Variants in ITGA9 observed in about 807,000 individuals in gnomAD.
ITGA9 encodes integrin alpha-9.
A neutral mutation model predicts 127.8 loss-of-function variants in ITGA9; 56 were observed. That is an observed-to-expected ratio of 0.44 (90% confidence interval 0.35 to 0.55). The LOEUF (loss-of-function observed/expected upper bound fraction) is 0.55, where lower values mean the gene tolerates loss of function less well. Among genes scored for constraint, ITGA9 ranks in the 20% least tolerant of loss-of-function variants. ITGA9 has a pLI of 0.00. For synonymous variants in ITGA9, 508 were observed against 514.5 expected, an observed-to-expected ratio of 0.99 and a Z score of 0.17; for missense variants, 1,196 against 1,347.1, an observed-to-expected ratio of 0.89 and a Z score of 1.76.
At chr3:37,507,594 C>T (rs771660098) in intron 7 of ITGA9, among the ~76,000 whole-genome samples, 5 of 152,092 alleles carry the variant, frequency 3.3e-5, no homozygotes, top group Non-Finnish European at 2.9e-5. Flanking sequence ...AGCCAGACAG[C>T]GGGACTCCTG....
chr3:37,581,995 A>G (rs1055047630), intron 15 of ITGA9, among the ~76,000 whole-genome samples: 1 of 152,198 alleles, frequency 6.6e-6, no homozygotes, highest in African/African-American at 2.4e-5. Context: ...CCACTTTTTA[A>G]AAAGGAAATC....
intron 15 of ITGA9, among the ~76,000 whole-genome samples, chr3:37,568,079 C>T (rs1180378945): frequency 1.3e-5 from 2 of 152,246 alleles, no homozygotes; most frequent in Non-Finnish European, 2.9e-5. Context: ...GTGAGGGCCC[C>T]ACTCCTGCAG....
intron 17 of ITGA9, among the ~76,000 whole-genome samples, chr3:37,675,857 C>G (rs1249571057): frequency 6.6e-6 from 1 of 150,430 alleles, no homozygotes; most frequent in East Asian, 2.0e-4. Context: ...CATTCTCCTG[C>G]CTCAGCCTCC....
At chr3:37,794,196 C>T (rs1246312797) in intron 26 of ITGA9, among the ~76,000 whole-genome samples, 1 of 152,250 alleles carries the variant, frequency 6.6e-6, no homozygotes, top group Non-Finnish European at 1.5e-5. Context: ...CAACTTCCAT[C>T]TTCTTTGGAA....
chr3:37,565,396 A>G (rs971669955), intron 15 of ITGA9, among the ~76,000 whole-genome samples: 1 of 152,216 alleles, frequency 6.6e-6, no homozygotes, highest in African/African-American at 2.4e-5. Flanking sequence ...TGTGTTCTCA[A>G]GACAAGCAAT....
intron 22 of ITGA9, among the ~76,000 whole-genome samples, chr3:37,744,546 C>A (rs1348867968): frequency 6.6e-6 from 1 of 152,230 alleles, no homozygotes; most frequent in Admixed American, 6.5e-5. Flanking sequence ...GCACGCTGCT[C>A]CCTCACTGAG....
intron 17 of ITGA9, among the ~76,000 whole-genome samples, chr3:37,662,129 G>T (rs991755062): frequency 6.6e-6 from 1 of 152,114 alleles, no homozygotes; most frequent in Non-Finnish European, 1.5e-5. Context: ...GGGGCCAGGC[G>T]CAGTGGCTGT....
intron 18 of ITGA9, among the ~76,000 whole-genome samples, chr3:37,707,831 G>A (rs572834508): frequency 6.6e-6 from 1 of 152,288 alleles, no homozygotes; most frequent in East Asian, 1.9e-4. Context: ...TGGCTTCTTA[G>A]AAAGTGGTGT....
chr3:37,682,042 T>A (rs759615526), intron 17 of ITGA9, among the ~76,000 whole-genome samples: 4 of 152,328 alleles, frequency 2.6e-5, no homozygotes, highest in Non-Finnish European at 4.4e-5. Flanking sequence ...TCATTAATTG[T>A]TGCCTCTCTA....
At chr3:37,638,295 A>T (rs1318576961) in intron 16 of ITGA9, among the ~76,000 whole-genome samples, 1 of 152,126 alleles carries the variant, frequency 6.6e-6, no homozygotes, top group African/African-American at 2.4e-5. Context: ...ATGGCGAGGT[A>T]TGTGGCAGGG....
At chr3:37,507,452 C>G (rs1054755159) in intron 7 of ITGA9, among the ~76,000 whole-genome samples, 1 of 152,122 alleles carries the variant, frequency 6.6e-6, no homozygotes, top group African/African-American at 2.4e-5. Flanking sequence ...GTTTTTCCTT[C>G]AGATGATTGT....
At chr3:37,658,759 TG>T (rs1700503520) in intron 17 of ITGA9, among the ~76,000 whole-genome samples, 1 of 152,232 alleles carries the variant, frequency 6.6e-6, no homozygotes, top group African/African-American at 2.4e-5. Context: ...GCCCATTAAT[TG>T]ATGCAGCTTC....
chr3:37,603,688 G>A (rs1373916427), intron 15 of ITGA9, among the ~76,000 whole-genome samples: 6 of 152,220 alleles, frequency 3.9e-5, no homozygotes, highest in Non-Finnish European at 7.3e-5. Context: ...CACCAAACAC[G>A]TAGTGATGGA....
chr3:37,605,263 G>A (rs1892807), intron 15 of ITGA9, among the ~76,000 whole-genome samples: 164 of 152,256 alleles, frequency 1.1e-3, no homozygotes, highest in Non-Finnish European at 1.8e-3. Context: ...AGGAGATAGT[G>A]GGAAAGTCTG....
In ITGA9 at chr3:37,690,566, G is replaced by A. The variant is rs1700821722; in HGVS notation, c.2067+6551G>A. Among the ~76,000 whole-genome samples the A allele has an allele frequency of 2.6e-5, 4 of 152,194 alleles. No homozygotes were observed. The South Asian group carries it at 8.3e-4, about 32-fold the overall frequency. On this transcript the variant is annotated intron_variant, in intron 18 of 27. Coordinates refer to ENST00000264741, the MANE Select transcript of ITGA9 (RefSeq NM_002207.3). Reference sequence around the variant, plus strand: ...GGTATTGACTGTTATGGCATGCATGGAAACAGACCTGGACATGAAAGGATA... The same window carrying A: ...GGTATTGACTGTTATGGCATGCATGAAAACAGACCTGGACATGAAAGGATA...
intron 18 of ITGA9, among the ~76,000 whole-genome samples, chr3:37,730,537 A>G (rs1696275334): frequency 6.6e-6 from 1 of 152,322 alleles, no homozygotes; most frequent in East Asian, 1.9e-4. Flanking sequence ...CACACTTGCC[A>G]TCACACAGCT....
intron 18 of ITGA9, 53 bp from the exon 19 acceptor site, chr3:37,732,659 C>T: frequency 7.1e-7 from 1 of 1,413,182 alleles, no homozygotes; most frequent in South Asian, 1.2e-5. Flanking sequence ...AGCCTGCTCC[C>T]ACACACCTGC....
At chr3:37,683,351 T>C (rs1247870869) in intron 17 of ITGA9, among the ~76,000 whole-genome samples, 3 of 152,218 alleles carry the variant, frequency 2.0e-5, no homozygotes, top group Non-Finnish European at 2.9e-5. Context: ...CCCACCTCCC[T>C]TGTAAGTCTG....
At chr3:37,719,965 T>C (rs988772328) in intron 18 of ITGA9, among the ~76,000 whole-genome samples, 8 of 152,168 alleles carry the variant, frequency 5.3e-5, no homozygotes, top group Non-Finnish European at 8.8e-5. Flanking sequence ...GCAGAGGGCA[T>C]CATGAGGAAG....
Sources: allele counts gnomAD v4.1 joint callset (sites outside exome capture counted in the v4.1 genomes callset), GRCh38; gene constraint gnomAD v4.1.1; transcripts MANE v1.5; gene names NCBI Gene and HGNC (gene_info 2026-07-23, HGNC 2026-07-21).